The following GALNTL5 variants were observed in gnomAD, a reference collection of about 807,000 sequenced individuals.
The protein encoded by GALNTL5 is inactive polypeptide N-acetylgalactosaminyltransferase-like protein 5.
A neutral mutation model predicts 51.0 loss-of-function variants in GALNTL5; 44 were observed. The observed-to-expected ratio is 0.86, with a 90% CI of 0.68 to 1.11. The LOEUF is 1.11. Ranked by LOEUF, GALNTL5 falls within the 50% of genes least tolerant of loss-of-function variation. GALNTL5 has a pLI of 0.00. For missense variants in GALNTL5, 528 were observed against 531.8 expected, an observed-to-expected ratio of 0.99 and a Z score of 0.07; for synonymous variants, 192 against 182.8, an observed-to-expected ratio of 1.05 and a Z score of -0.41.
Position 151,958,833 on chromosome 7 carries a change from T to C in GALNTL5, c.-40+2224T>C, listed in dbSNP as rs182394693. ...GTCAGCAAGGCAGAGAAGGGTTTTA[T>C]TGAGCAACAGAACAGCTCTTGACAC... On this transcript the variant is annotated intron_variant, in intron 1 of 8. Transcript: ENST00000392800. 2.6e-4 allele frequency among the ~76,000 whole-genome samples: 39 copies of C among 152,306 alleles called. No homozygotes were observed. In the East Asian group the frequency reaches 6.4e-3, roughly 25 times the overall value.
Position 152,017,449 on chromosome 7 carries a change from T to C in GALNTL5, c.1177-2197T>C, listed in dbSNP as rs188746288. On this transcript the variant is annotated intron_variant, in intron 8 of 8. Transcript: ENST00000392800. Reference sequence around the variant, plus strand: ...GTACATGACTGTACCTACAAGAGCATAGGTAAATTTCAGAGATGTAATGGT... The same window carrying C: ...GTACATGACTGTACCTACAAGAGCACAGGTAAATTTCAGAGATGTAATGGT... 8.8e-4 allele frequency among the ~76,000 whole-genome samples: 134 copies of C among 152,328 alleles called. No homozygotes were observed. The Middle Eastern group carries it at 0.014, about 15-fold the overall frequency.
At chr7:151,974,962 C>T (rs932195574) in intron 3 of GALNTL5, among the ~76,000 whole-genome samples, 5 of 152,142 alleles carry the variant, frequency 3.3e-5, no homozygotes, top group Admixed American at 2.0e-4. Context: ...AAATTAACTT[C>T]TAAGAGCAAC....
chr7:152,007,961 T>A lies in GALNTL5; in HGVS notation c.1026+17T>A, dbSNP rs1165909252. On this transcript the variant is annotated intron_variant, in intron 7 of 8. Coordinates refer to ENST00000392800, the MANE Select transcript of GALNTL5 (RefSeq NM_145292.4). ...TCACTAAGGGTAATTCAGATTTCAT[T>A]TTTAAAATAGCTATAGAGAGTGAAA... The A allele has an allele frequency of 1.5e-6, 2 of 1,307,322 alleles. No homozygotes were observed. The highest frequency in any genetic ancestry group is 2.2e-6 in the Non-Finnish European group (2 of 902,826). 81.0% of individuals were successfully genotyped at this position (1,307,322 alleles called of 1,614,324 possible).
chr7:152,010,481 T>G (rs947930486), intron 7 of GALNTL5, among the ~76,000 whole-genome samples: 1 of 151,996 alleles, frequency 6.6e-6, no homozygotes, highest in Non-Finnish European at 1.5e-5. Context: ...TTAATTTTAT[T>G]TTTGGCCCAG....
intron 3 of GALNTL5, among the ~76,000 whole-genome samples, chr7:151,981,711 T>A (rs2081294128): frequency 6.9e-6 from 1 of 145,718 alleles, no homozygotes; most frequent in Non-Finnish European, 1.5e-5. Context: ...TGCAGTGGTA[T>A]GGTCTTGGCT....
rs368298938 is a variant in GALNTL5 at position 152,002,733 on chromosome 7, G to A, written c.678G>A (p.Leu226=). The A allele has an allele frequency of 2.5e-6, 4 of 1,614,018 alleles. No homozygotes were observed. In the African/African-American group the frequency reaches 5.3e-5, roughly 22 times the overall value. Residue 226 remains leucine, a synonymous_variant, in exon 6 of 9, where the codon CTG becomes CTA. Coordinates refer to ENST00000392800, the MANE Select transcript of GALNTL5 (RefSeq NM_145292.4). ...CCCCAGGGGATGTTCTGGTGTTCCT[G>A]GACAGCCACTGTGAGGTGAACAGAG... ...SHASGDVLVF[L]DSHCEVNRVW... is the part of the protein sequence containing the mutation.
At chr7:151,996,255 T>C (rs955758931) in intron 5 of GALNTL5, among the ~76,000 whole-genome samples, 2 of 152,022 alleles carry the variant, frequency 1.3e-5, no homozygotes, top group African/African-American at 2.4e-5. Context: ...ATGTGCACAA[T>C]GTGCAGGTTA....
chr7:151,959,830 G>A (rs1363580296), intron 1 of GALNTL5, among the ~76,000 whole-genome samples: 1 of 152,216 alleles, frequency 6.6e-6, no homozygotes, highest in Non-Finnish European at 1.5e-5. Context: ...TTGCAAAGCA[G>A]AGGAGGAGAG....
chr7:152,008,582 G>A (rs1409510291), intron 7 of GALNTL5, among the ~76,000 whole-genome samples: 1 of 148,468 alleles, frequency 6.7e-6, no homozygotes, highest in Admixed American at 6.8e-5. Context: ...CCTTCTTTTG[G>A]CCAGTTATTT....
intron 2 of GALNTL5, among the ~76,000 whole-genome samples, chr7:151,967,703 T>C (rs1005621606): frequency 2.6e-5 from 4 of 152,114 alleles, no homozygotes; most frequent in African/African-American, 9.7e-5. Context: ...TAAATATCAT[T>C]TGGCTATATT....
At chr7:151,980,776 C>T (rs367648406) in intron 3 of GALNTL5, among the ~76,000 whole-genome samples, 174 of 110,890 alleles carry the variant, frequency 1.6e-3, no homozygotes, top group Non-Finnish European at 2.6e-3. Flanking sequence ...GATGGAGTCT[C>T]GCTCTGTCGC....
At chr7:152,013,097 G>A (rs937050941) in intron 7 of GALNTL5, among the ~76,000 whole-genome samples, 5 of 152,064 alleles carry the variant, frequency 3.3e-5, no homozygotes, top group Non-Finnish European at 4.4e-5. Flanking sequence ...ACACAGGAAC[G>A]GAAGACTAAA....
At chr7:151,974,806 C>A (rs1361340816) in intron 3 of GALNTL5, among the ~76,000 whole-genome samples, 2 of 152,090 alleles carry the variant, frequency 1.3e-5, no homozygotes, top group African/African-American at 4.8e-5. Context: ...GCTTCCCTTC[C>A]CCCATCACAT....
chr7:151,998,214 A>G (rs1293434535), intron 5 of GALNTL5, among the ~76,000 whole-genome samples: 2 of 152,106 alleles, frequency 1.3e-5, no homozygotes, highest in Non-Finnish European at 2.9e-5. Context: ...CTCTGTAAAA[A>G]CATCATCATC....
At chr7:151,974,861 A>G (rs1327484282) in intron 3 of GALNTL5, among the ~76,000 whole-genome samples, 1 of 152,220 alleles carries the variant, frequency 6.6e-6, no homozygotes, top group Non-Finnish European at 1.5e-5. Context: ...TTGTCCAGAA[A>G]GAAAAGTGGA....
chr7:152,007,664 C>T (rs111930087), intron 6 of GALNTL5, among the ~76,000 whole-genome samples, 163 bp from the exon 7 acceptor site: 2,992 of 152,092 alleles, frequency 0.02, 91 homozygotes, highest in African/African-American at 0.065. Context: ...GTAATGCACC[C>T]GCCTCGGCCT....
chr7:152,012,635 C>T (rs567351346), intron 7 of GALNTL5, among the ~76,000 whole-genome samples: 3 of 152,282 alleles, frequency 2.0e-5, no homozygotes, highest in Admixed American at 1.3e-4. Context: ...GCACTTTCCA[C>T]AATAACAAAG....
At chr7:151,972,044 A>T (rs1002654248) in intron 3 of GALNTL5, among the ~76,000 whole-genome samples, 1 of 152,254 alleles carries the variant, frequency 6.6e-6, no homozygotes, top group Non-Finnish European at 1.5e-5. Flanking sequence ...TGCTATAAAG[A>T]TACCTAAAAA....
At chr7:151,959,208 T>C (rs2080962390) in intron 1 of GALNTL5, among the ~76,000 whole-genome samples, 1 of 152,054 alleles carries the variant, frequency 6.6e-6, no homozygotes, top group Non-Finnish European at 1.5e-5. Context: ...ATTTTGTATA[T>C]TACATTTGGT....
Sources: allele counts gnomAD v4.1 joint callset (sites outside exome capture counted in the v4.1 genomes callset), GRCh38; gene constraint gnomAD v4.1.1; transcripts MANE v1.5; gene names NCBI Gene and HGNC (gene_info 2026-07-23, HGNC 2026-07-21).